The following PDE4D variants were observed in gnomAD, a reference collection of about 807,000 sequenced individuals.
PDE4D encodes 3',5'-cyclic-AMP phosphodiesterase 4D.
PDE4D carries 24 observed loss-of-function variants against 87.4 expected under a neutral mutation model. That is an observed-to-expected ratio of 0.27 (90% CI 0.20 to 0.39). The LOEUF (loss-of-function observed/expected upper bound fraction) is 0.39, where lower values mean the gene tolerates loss of function less well. Among genes scored for constraint, PDE4D ranks in the 10% least tolerant of loss-of-function variants. PDE4D has a pLI of 1.00. For missense variants in PDE4D, 714 were observed against 1,041.0 expected (o/e 0.69, Z 4.32); for synonymous variants, 384 against 383.2 (o/e 1.00, Z -0.02).
At chr5:60,105,777 A>C (rs1776820968) in intron 2 of PDE4D, among the ~76,000 whole-genome samples, 1 of 152,170 alleles carries the variant, frequency 6.6e-6, no homozygotes, top group African/African-American at 2.4e-5. Context: ...TCATAAGTGA[A>C]GGAGAAATAA....
chr5:60,407,624 T>C (rs1357936605), intron 1 of PDE4D, among the ~76,000 whole-genome samples: 1 of 151,430 alleles, frequency 6.6e-6, no homozygotes, highest in Non-Finnish European at 1.5e-5. Context: ...AGCTAATTTT[T>C]GTATTTTTAG....
intron 1 of PDE4D, among the ~76,000 whole-genome samples, chr5:60,456,007 C>T (rs1746440431): frequency 6.6e-6 from 1 of 152,166 alleles, no homozygotes; most frequent in South Asian, 2.1e-4. Context: ...TTCTTTTCTG[C>T]AGTGAGGGGC....
At chr5:59,291,590 T>C (rs1313269339) in intron 1 of PDE4D, among the ~76,000 whole-genome samples, 1 of 151,984 alleles carries the variant, frequency 6.6e-6, no homozygotes, top group Non-Finnish European at 1.5e-5. Flanking sequence ...GGATTGTTTG[T>C]AACATAAAAA....
intron 1 of PDE4D, among the ~76,000 whole-genome samples, chr5:59,744,195 A>G (rs1379976237): frequency 6.6e-6 from 1 of 152,112 alleles, no homozygotes; most frequent in African/African-American, 2.4e-5. Flanking sequence ...TGATGCATTA[A>G]GTGTAGATTT....
chr5:60,123,568 C>A (rs1030122817), intron 2 of PDE4D, among the ~76,000 whole-genome samples: 1 of 152,054 alleles, frequency 6.6e-6, no homozygotes, highest in Non-Finnish European at 1.5e-5. Flanking sequence ...CCCACCGAGT[C>A]CCTCCCACAA....
intron 1 of PDE4D, among the ~76,000 whole-genome samples, chr5:60,252,534 C>A (rs1388110230): frequency 6.6e-6 from 1 of 151,122 alleles, no homozygotes; most frequent in Non-Finnish European, 1.5e-5. Context: ...AAACTAGGGT[C>A]AGTAGGTTTT....
At chr5:60,052,198 G>A (rs962242586) in intron 2 of PDE4D, among the ~76,000 whole-genome samples, 15 of 151,726 alleles carry the variant, frequency 9.9e-5, no homozygotes, top group Admixed American at 3.3e-4. Flanking sequence ...TATGAAGCCA[G>A]TATCATCCTG....
At chr5:60,321,783 T>C (rs935463562) in intron 1 of PDE4D, among the ~76,000 whole-genome samples, 6 of 152,078 alleles carry the variant, frequency 3.9e-5, no homozygotes, top group Admixed American at 2.6e-4. Context: ...CCAACAAATA[T>C]GTAAAAATGT....
At chr5:59,247,071 T>C (rs991806689) in intron 1 of PDE4D, among the ~76,000 whole-genome samples, 4 of 152,184 alleles carry the variant, frequency 2.6e-5, no homozygotes, top group South Asian at 4.1e-4. Context: ...CAATATAATA[T>C]GGTTTTCAAA....
At chr5:59,520,829 C>T (rs1303220020) in intron 1 of PDE4D, among the ~76,000 whole-genome samples, 2 of 151,936 alleles carry the variant, frequency 1.3e-5, no homozygotes, top group Non-Finnish European at 2.9e-5. Context: ...TAAAAAAGAG[C>T]TGTTCATAAC....
chr5:60,492,800 G>C (rs1292593268), upstream of PDE4D, among the ~76,000 whole-genome samples: 1 of 151,736 alleles, frequency 6.6e-6, no homozygotes, highest in Non-Finnish European at 1.5e-5. Flanking sequence ...TAAATGACGA[G>C]TTGATGGGTG....
At chr5:60,296,569 C>T (rs949520102) in intron 1 of PDE4D, among the ~76,000 whole-genome samples, 8 of 152,232 alleles carry the variant, frequency 5.3e-5, no homozygotes, top group South Asian at 4.1e-4. Context: ...ACAAAGTTGG[C>T]GTATTTAAAT....
chr5:59,676,024 C>T (rs960130137), intron 1 of PDE4D, among the ~76,000 whole-genome samples: 3 of 151,944 alleles, frequency 2.0e-5, no homozygotes, highest in Admixed American at 6.6e-5. Flanking sequence ...CACACTGTGA[C>T]CTATAACATT....
At chr5:60,231,724 T>A (rs1265998233) in intron 1 of PDE4D, among the ~76,000 whole-genome samples, 3 of 152,004 alleles carry the variant, frequency 2.0e-5, no homozygotes, top group Non-Finnish European at 4.4e-5. Flanking sequence ...AACCATTCCC[T>A]GCTATGTAAC....
At chr5:60,127,775 A>G in intron 2 of PDE4D, 1 of 504,832 alleles carries the variant, frequency 2.0e-6, no homozygotes, top group East Asian at 3.1e-5. Context: ...GCGGTAGGAT[A>G]TACAGGTCTG....
At chr5:60,305,707 T>TA (rs528390027) in intron 1 of PDE4D, among the ~76,000 whole-genome samples, 1 of 134,198 alleles carries the variant, frequency 7.5e-6, no homozygotes, top group South Asian at 2.6e-4. Flanking sequence ...AACTTCTTAC[T>TA]TAAAAAAAAA....
At chr5:59,733,226 AG>A (rs1757628967) in intron 1 of PDE4D, among the ~76,000 whole-genome samples, 1 of 152,126 alleles carries the variant, frequency 6.6e-6, no homozygotes, top group Non-Finnish European at 1.5e-5. Flanking sequence ...GATATTAAAA[AG>A]AGAGAATTTC....
intron 3 of PDE4D, among the ~76,000 whole-genome samples, chr5:59,933,150 A>G (rs896834574): frequency 6.6e-6 from 1 of 152,210 alleles, no homozygotes; most frequent in African/African-American, 2.4e-5. Context: ...CCTCAGGTTC[A>G]AAGTCCTGAC....
intron 1 of PDE4D, among the ~76,000 whole-genome samples, chr5:59,388,432 G>T (rs1459275612): frequency 1.3e-5 from 2 of 152,006 alleles, no homozygotes; most frequent in Non-Finnish European, 2.9e-5. Flanking sequence ...CAGCATCGAG[G>T]TTCTTTAAAA....
Sources: allele counts gnomAD v4.1 joint callset (sites outside exome capture counted in the v4.1 genomes callset), GRCh38; gene constraint gnomAD v4.1.1; transcripts MANE v1.5; gene names NCBI Gene and HGNC (gene_info 2026-07-23, HGNC 2026-07-21).